The following MYO9A variants were observed in gnomAD, a reference collection of about 807,000 sequenced individuals.
The protein encoded by MYO9A is unconventional myosin-IXa.
MYO9A carries 103 observed loss-of-function variants against 293.3 expected under a neutral mutation model. The ratio of observed to expected loss-of-function variants is 0.35; its 90% confidence interval spans 0.30 to 0.41. MYO9A has a LOEUF of 0.41. MYO9A is among the 10% of genes least tolerant of loss of function. The probability of loss-of-function intolerance (pLI) is 1.00; values close to 1 mark genes in which losing one functional copy is unlikely to be tolerated. For missense variants in MYO9A, 2,685 were observed against 3,033.0 expected (o/e 0.89, Z 2.69); for synonymous variants, 1,001 against 1,035.7 (o/e 0.97, Z 0.64).
chr15:72,082,933 C>G lies in MYO9A; in HGVS notation c.-72+34747G>C, dbSNP rs558384213. On this transcript the variant is annotated intron_variant, in intron 1 of 41. Transcript: ENST00000356056. The stretch of plus-strand genomic sequence containing the variant: ...CTGCTGAATTTGGTTTGCCAGTATC[C>G]TGTTGAGGATTTTTGCATTGATATT... 3.4e-4 allele frequency among the ~76,000 whole-genome samples: 51 copies of G among 149,766 alleles called. 1 individual carries two copies. Among genetic ancestry groups the G allele is most frequent in the African/African-American group, 1.3e-3 (51 of 40,598 alleles).
In MYO9A at chr15:72,046,292, C is replaced by A; in HGVS notation, c.272G>T (p.Arg91Leu). 1 of 1,614,102 alleles carries A rather than the reference C, an allele frequency of 6.2e-7. No homozygotes were observed. The highest frequency in any genetic ancestry group is 8.5e-7 in the Non-Finnish European group (1 of 1,179,952). The change falls in exon 2 of 42, where the codon CGA (arginine) becomes CTA (leucine). Residue 91 changes from arginine (R) to leucine (L), a missense_variant. Coordinates refer to ENST00000356056, the MANE Select transcript of MYO9A (RefSeq NM_006901.4). ...CPVQRMMLWP[R>L]MALENRLSGE... ...ACTTAAGCGATTTTCCAGAGCCATT[C>A]GGGGCCACAGCATCATTCGCTGAAC...
In MYO9A at chr15:71,899,733, T is replaced by A. The variant is rs765659788; in HGVS notation, c.3424A>T (p.Ile1142Phe). The change falls in exon 24 of 42, where the codon ATT becomes TTT. Residue 1142 changes from isoleucine to phenylalanine, a missense_variant. By Grantham distance (21) the Ile-to-Phe change is conservative. Transcript: ENST00000356056. ...SKRYQEQRKKIILLQSTCRGF... is the reference protein window; with the variant it reads ...SKRYQEQRKKFILLQSTCRGF... ...CTACATGTTGATTGCAAAAGGATAA[T>A]TTTTTTCCTTTGTTCTTGGTACCTT... The A allele has an allele frequency of 1.5e-5, 25 of 1,613,998 alleles. No homozygotes were observed. In the South Asian group the frequency reaches 2.7e-4, roughly 18 times the overall value.
chr15:72,028,681 C>T (rs985861970), intron 3 of MYO9A, among the ~76,000 whole-genome samples: 6 of 131,568 alleles, frequency 4.6e-5, no homozygotes, highest in African/African-American at 1.7e-4. Context: ...ACACAGTACA[C>T]AAGATCCCTG....
intron 11 of MYO9A, among the ~76,000 whole-genome samples, chr15:71,986,107 T>C (rs1312416646): frequency 6.6e-6 from 1 of 152,136 alleles, no homozygotes; most frequent in African/African-American, 2.4e-5. Context: ...ACCGACCACA[T>C]ATCAAAAATA....
chr15:71,893,828 T>C (rs778997346), intron 25 of MYO9A, 50 bp from the exon 26 acceptor site: 4 of 1,469,230 alleles, frequency 2.7e-6, no homozygotes, highest in African/African-American at 2.8e-5. Flanking sequence ...AGATATCCCA[T>C]GGCAGCCAGG....
intron 8 of MYO9A, among the ~76,000 whole-genome samples, chr15:72,002,366 G>A (rs2076892318): frequency 6.6e-6 from 1 of 151,538 alleles, no homozygotes; most frequent in Non-Finnish European, 1.5e-5. Flanking sequence ...TTCTGCCTCA[G>A]CCTCCCGAGT....
chr15:72,048,151 A>G (rs566413517), intron 1 of MYO9A, among the ~76,000 whole-genome samples: 1 of 152,138 alleles, frequency 6.6e-6, no homozygotes, highest in East Asian at 1.9e-4. Flanking sequence ...TGTAATCTCA[A>G]CACTTTGGGA....
At chr15:72,007,167 C>T (rs972433203) in intron 8 of MYO9A, among the ~76,000 whole-genome samples, 1 of 152,006 alleles carries the variant, frequency 6.6e-6, no homozygotes, top group Admixed American at 6.6e-5. Flanking sequence ...AGTATATACA[C>T]ACATATATTT....
intron 13 of MYO9A, among the ~76,000 whole-genome samples, chr15:71,967,312 A>G (rs963061651): frequency 6.6e-6 from 1 of 152,216 alleles, no homozygotes; most frequent in Admixed American, 6.5e-5. Flanking sequence ...AGATCATTCC[A>G]AACACCAAGC....
At chr15:71,838,928 T>G (rs2055040400) in intron 39 of MYO9A, among the ~76,000 whole-genome samples, 1 of 152,190 alleles carries the variant, frequency 6.6e-6, no homozygotes, top group South Asian at 2.1e-4. Flanking sequence ...TCTAAAAAGG[T>G]ACACTTATAA....
chr15:72,112,245 A>G (rs887693685), intron 1 of MYO9A, among the ~76,000 whole-genome samples: 5 of 152,166 alleles, frequency 3.3e-5, no homozygotes, highest in African/African-American at 9.7e-5. Flanking sequence ...AACACACACA[A>G]TTTTTAGCAA....
intron 1 of MYO9A, among the ~76,000 whole-genome samples, chr15:72,048,174 CG>C (rs1341622372): frequency 1.3e-5 from 2 of 151,786 alleles, no homozygotes; most frequent in Non-Finnish European, 2.9e-5. Context: ...CCAAGGCGGG[CG>C]GATCACCTGA....
chr15:71,876,478 C>T (rs539344691), intron 31 of MYO9A, among the ~76,000 whole-genome samples: 33 of 136,608 alleles, frequency 2.4e-4, no homozygotes, highest in African/African-American at 9.4e-4. Flanking sequence ...CTCTGTTGCC[C>T]AGGCTGGAGG....
At chr15:71,854,325 G>T in intron 35 of MYO9A, 52 bp downstream of exon 35, 1 of 1,301,678 alleles carries the variant, frequency 7.7e-7, no homozygotes, top group Non-Finnish European at 1.0e-6. Context: ...GAGCATGAAA[G>T]GAACTATTTA....
intron 12 of MYO9A, among the ~76,000 whole-genome samples, chr15:71,975,808 A>G (rs2076130704): frequency 6.6e-6 from 1 of 152,150 alleles, no homozygotes; most frequent in Non-Finnish European, 1.5e-5. Flanking sequence ...ACATTTCTAC[A>G]CAGTTGTCAG....
chr15:71,878,508 T>C (rs971528671), intron 30 of MYO9A, among the ~76,000 whole-genome samples: 3 of 152,148 alleles, frequency 2.0e-5, no homozygotes, highest in Non-Finnish European at 2.9e-5. Context: ...CTTTTTAATT[T>C]TATGTAGCTA....
intron 32 of MYO9A, among the ~76,000 whole-genome samples, chr15:71,873,493 T>A (rs1217363525): frequency 6.6e-6 from 1 of 152,098 alleles, no homozygotes; most frequent in Admixed American, 6.6e-5. Flanking sequence ...CTTTAACGTT[T>A]TTAAGGTTTT....
rs1338603936 is a variant in MYO9A, at chr15:71,823,145, G to T, written c.*3435C>A. 2 of 151,986 alleles carry T rather than the reference G, an allele frequency of 1.3e-5. No homozygotes were observed. The highest frequency in any genetic ancestry group is 2.9e-5 in the Non-Finnish European group (2 of 68,004). 9.4% of individuals were successfully genotyped at this position (151,986 alleles called of 1,614,324 possible). A position where few individuals can be genotyped will look rare whatever the true frequency, so the allele number is the denominator to read the frequency against. ...GGAAAGCCATGGAGTGAGTATGTAT[G>T]TTTCTTTTTAAAATGAAAACTCTCT... is the stretch of plus-strand genomic sequence containing the variant. On this transcript the variant is annotated 3_prime_UTR_variant, in exon 42 of 42. Transcript: ENST00000356056.
At chr15:71,999,797 C>G (rs1396272405) in intron 9 of MYO9A, 54 bp downstream of exon 9, 1 of 1,467,252 alleles carries the variant, frequency 6.8e-7, no homozygotes, top group East Asian at 2.4e-5. Context: ...AACTTCAAAC[C>G]TAAACTTCTA....
Sources: allele counts gnomAD v4.1 joint callset (sites outside exome capture counted in the v4.1 genomes callset), GRCh38; gene constraint gnomAD v4.1.1; transcripts MANE v1.5; gene names NCBI Gene and HGNC (gene_info 2026-07-23, HGNC 2026-07-21).